NUP42: variants seen among roughly 807,000 people sequenced by gnomAD.
The protein encoded by NUP42 is nucleoporin NUP42.
A neutral mutation model predicts 35.9 loss-of-function variants in NUP42; 47 were observed. The observed-to-expected ratio is 1.31, with a 90% confidence interval of 1.04 to 1.67. NUP42 has a LOEUF of 1.67. Ranked by LOEUF, NUP42 falls within the 40% of genes most tolerant of loss-of-function variation. The probability of loss-of-function intolerance (pLI) is 0.00; values close to 1 mark genes in which losing one functional copy is unlikely to be tolerated. For synonymous variants in NUP42, 173 were observed against 173.3 expected (o/e 1.00, Z 0.01); for missense variants, 514 against 492.2 (o/e 1.04, Z -0.42).
At chr7:23,193,865 C>T (rs998661365) in intron 3 of NUP42, among the ~76,000 whole-genome samples, 14 of 152,228 alleles carry the variant, frequency 9.2e-5, no homozygotes, top group Non-Finnish European at 1.8e-4. Flanking sequence ...CTGCAGGTCC[C>T]GAGCCCTGCC....
In NUP42 at chr7:23,200,852, T is replaced by G. The variant is rs1265998234; in HGVS notation, c.*107T>G. The G allele has an allele frequency of 7.4e-6, 4 of 538,524 alleles. No individual in the cohort carries two copies. The highest frequency in any genetic ancestry group is 4.1e-5 in the Admixed American group (1 of 24,308). 33.4% of individuals were successfully genotyped at this position (538,524 alleles called of 1,614,324 possible). The stretch of plus-strand genomic sequence containing the variant: ...GTATATATTCATAAGGAATATAAGC[T>G]TCCATCAATAGTGATTTTAAATTTG... On this transcript the variant is annotated 3_prime_UTR_variant, in exon 7 of 7. Coordinates refer to ENST00000258742, the MANE Select transcript of NUP42 (RefSeq NM_007342.3).
chr7:23,184,922 A>G lies in NUP42; in HGVS notation c.122-148A>G, dbSNP rs554687404. ...TCAGGAGGCTGAGGTGGGAGGATCG[A>G]TTGAGCTTAGGAGGTTGAGGTTACA... On this transcript the variant is annotated intron_variant, in intron 1 of 6. Transcript: ENST00000258742. 4.8e-6 allele frequency: 3 copies of G among 628,338 alleles called. No homozygotes were observed. The African/African-American group carries it at 5.5e-5, about 12-fold the overall frequency. The allele number at this position is 628,338 out of a possible 1,614,324, so 38.9% of individuals were successfully genotyped here. A position where few individuals can be genotyped will look rare whatever the true frequency, so the allele number is the denominator to read the frequency against.
chr7:23,199,362 A>C, intron 5 of NUP42, 96 bp from the exon 6 acceptor site: 1 of 1,061,594 alleles, frequency 9.4e-7, no homozygotes. Context: ...TTTAATGCAC[A>C]TTTTAAAAAC....
intron 3 of NUP42, among the ~76,000 whole-genome samples, chr7:23,187,599 C>CCTT (rs1554295620): frequency 2.4e-5 from 2 of 84,828 alleles, no homozygotes; most frequent in African/African-American, 1.0e-4. Context: ...GGGATAGCAA[C>CCTT]TTTTTTTTTT....
chr7:23,193,544 G>T (rs1785888965), intron 3 of NUP42, among the ~76,000 whole-genome samples: 1 of 152,216 alleles, frequency 6.6e-6, no homozygotes, highest in Non-Finnish European at 1.5e-5. Context: ...CACACAGGGT[G>T]CTGATTGGTG....
In NUP42 at chr7:23,200,215, T is replaced by G. The variant is rs768998260; in HGVS notation, c.742T>G (p.Phe248Val). 2.5e-6 allele frequency: 4 copies of G among 1,603,678 alleles called. No individual in the cohort carries two copies. In the African/African-American group the frequency reaches 5.3e-5, roughly 21 times the overall value. ...SSSDNAQNFS[F>V]KTNSGFAAAS... Reference sequence around the variant, plus strand: ...CAGTGATAATGCTCAGAACTTTAGTTTTAAAACAAACTCTGGATTTGCTGC... The same window carrying G: ...CAGTGATAATGCTCAGAACTTTAGTGTTAAAACAAACTCTGGATTTGCTGC... Residue 248 changes from phenylalanine (F) to valine (V), a missense_variant, in exon 7 of 7, where the codon TTT (phenylalanine) becomes GTT (valine). Transcript: ENST00000258742.
intron 3 of NUP42, among the ~76,000 whole-genome samples, chr7:23,189,912 CAA>C (rs201659228): frequency 3.2e-4 from 28 of 87,004 alleles, no homozygotes; most frequent in African/African-American, 4.9e-4. Flanking sequence ...GACTCTGTCT[CAA>C]AAAAAAAAAA....
rs190984590 is a variant in NUP42, at chr7:23,192,703, T to C, written c.446-3136T>C. Among the ~76,000 whole-genome samples the C allele has an allele frequency of 1.3e-3, 200 of 151,894 alleles. 1 individual carries two copies. Among genetic ancestry groups the C allele is most frequent in the Admixed American group, 9.6e-3 (147 of 15,274 alleles). ...GGGTGTGGTCTTGCTGTCTCAGGAG[T>C]GGCAGAGGCGGAAGAAAATCCCTGT... On this transcript the variant is annotated intron_variant, in intron 3 of 6. Coordinates refer to ENST00000258742, the MANE Select transcript of NUP42 (RefSeq NM_007342.3).
rs532172026 is a variant in NUP42 at position 23,191,786 on chromosome 7, G to A, written c.446-4053G>A. Among the ~76,000 whole-genome samples, 3 of 152,082 alleles carry A rather than the reference G, an allele frequency of 2.0e-5. No individual in the cohort carries two copies. In the East Asian group the frequency reaches 5.8e-4, roughly 29 times the overall value. On this transcript the variant is annotated intron_variant, in intron 3 of 6. Transcript: ENST00000258742. ...GGATCACTTGAGCCCAAGAATTTGA[G>A]ACCAACCTGGGCAACTTGGCGAAAC...
intron 3 of NUP42, among the ~76,000 whole-genome samples, chr7:23,192,441 G>T (rs1785825845): frequency 6.6e-6 from 1 of 151,708 alleles, no homozygotes; most frequent in South Asian, 2.1e-4. Flanking sequence ...CAACTACTGT[G>T]GAGGCTGAGG....
Position 23,187,041 on chromosome 7 carries a change from CT to C in NUP42, c.351-5del. 1 of 1,283,842 alleles carries C rather than the reference CT, an allele frequency of 7.8e-7. No individual in the cohort carries two copies. The highest frequency in any genetic ancestry group is 1.0e-6 in the Non-Finnish European group (1 of 969,446). 79.5% of individuals were successfully genotyped at this position (1,283,842 alleles called of 1,614,324 possible). On this transcript the variant is annotated splice_polypyrimidine_tract_variant and intron_variant, in intron 2 of 6. Transcript: ENST00000258742. ...GATCCTTTACTCTTTTTTTTTTTTTCTTTTTTGCAGGGAAGGAATTGTAAAA... is the reference window on the plus strand; with the variant it reads ...GATCCTTTACTCTTTTTTTTTTTTTCTTTTTGCAGGGAAGGAATTGTAAAA...
intron 3 of NUP42, among the ~76,000 whole-genome samples, chr7:23,189,930 T>A (rs1032113727): frequency 3.3e-3 from 434 of 133,328 alleles, no homozygotes; most frequent in Non-Finnish European, 4.9e-3. Context: ...AAAAAAAAAA[T>A]TTTTTTGATG....
chr7:23,188,043 C>G (rs1193927483), intron 3 of NUP42: 3 of 1,432,776 alleles, frequency 2.1e-6, no homozygotes, highest in Non-Finnish European at 2.8e-6. Context: ...TCCCTAAGCC[C>G]TTTCTGGGCT....
chr7:23,193,890 C>CTAAG (rs1262892861), intron 3 of NUP42, among the ~76,000 whole-genome samples: 3 of 152,250 alleles, frequency 2.0e-5, no homozygotes, highest in African/African-American at 7.2e-5. Context: ...AGGGAGGCAG[C>CTAAG]TAAGACCCGG....
Position 23,187,077 on chromosome 7 carries a change from G to A in NUP42, c.376G>A (p.Val126Ile). ...GGAAGGAATTGTAAAAGATATGGAG[G>A]TTTGGGAATCATCAGGGCAGTGGAT... ...LLEGIVKDMEVWESSGQWMFS... is the reference protein window; with the variant it reads ...LLEGIVKDMEIWESSGQWMFS... The change falls in exon 3 of 7, where the codon GTT (valine) becomes ATT (isoleucine). Residue 126 changes from valine (V) to isoleucine (I), a missense_variant. Physicochemically the swap from Val to Ile is conservative, Grantham distance 29. Coordinates refer to ENST00000258742, the MANE Select transcript of NUP42 (RefSeq NM_007342.3). 6.2e-7 allele frequency: 1 copy of A among 1,602,942 alleles called. No individual in the cohort carries two copies. The highest frequency in any genetic ancestry group is 8.5e-7 in the Non-Finnish European group (1 of 1,175,108).
chr7:23,196,181 T>A (rs575056719), intron 4 of NUP42: 8 of 224,274 alleles, frequency 3.6e-5, no homozygotes, highest in Admixed American at 2.2e-4. Flanking sequence ...TTTTATCATT[T>A]GACAGATATT....
In NUP42 at chr7:23,182,060, C is replaced by T. The variant is rs766211556; in HGVS notation, c.-26C>T. 3.1e-6 allele frequency: 5 copies of T among 1,612,342 alleles called. No individual in the cohort carries two copies. The highest frequency in any genetic ancestry group is 3.3e-5 in the Admixed American group (2 of 60,030). ...GGCATCGAACGGTGCAGACTGAAGA[C>T]GCCCTCCGTCAGCGACGCCGTCGCA... On this transcript the variant is annotated 5_prime_UTR_variant, in exon 1 of 7. The change creates a new upstream start codon in the 5' untranslated region. Coordinates refer to ENST00000258742, the MANE Select transcript of NUP42 (RefSeq NM_007342.3).
At chr7:23,187,337 T>TAAG (rs530781963) in intron 3 of NUP42, 191 bp downstream of exon 3, 105 of 477,150 alleles carry the variant, frequency 2.2e-4, no homozygotes, top group African/African-American at 1.7e-3. Context: ...TATAGTCTTT[T>TAAG]AAGACATATA....
At chr7:23,189,938 A>G (rs1785734095) in intron 3 of NUP42, among the ~76,000 whole-genome samples, 1 of 150,638 alleles carries the variant, frequency 6.6e-6, no homozygotes. Flanking sequence ...AATTTTTTTG[A>G]TGTTGTATAA....
Sources: gnomAD v4.1 joint callset for allele counts (sites outside exome capture counted in the v4.1 genomes callset) on GRCh38, gnomAD v4.1.1 for gene constraint, MANE v1.5 for transcripts, NCBI Gene and HGNC (gene_info 2026-07-23, HGNC 2026-07-21) for gene names.